Variants in LPP observed in about 807,000 individuals in gnomAD.
LPP encodes LIM domain containing preferred translocation partner in lipoma.
A neutral mutation model predicts 60.4 loss-of-function variants in LPP; 38 were observed. The ratio of observed to expected loss-of-function variants is 0.63; its 90% confidence interval spans 0.49 to 0.83. LPP has a LOEUF of 0.83. LPP is among the 40% of genes least tolerant of loss of function. The pLI is 0.00. For synonymous variants in LPP, 328 were observed against 290.8 expected (o/e 1.13, Z -1.30); for missense variants, 902 against 783.6 (o/e 1.15, Z -1.80).
At chr3:188,274,791 A>G (rs1051348908) in intron 2 of LPP, among the ~76,000 whole-genome samples, 4 of 152,212 alleles carry the variant, frequency 2.6e-5, no homozygotes, top group Non-Finnish European at 5.9e-5. Context: ...GATAGACCTT[A>G]TGGTTAGAGT....
At position 188,406,097 on chromosome 3, in the gene LPP, T is replaced by C. The variant is rs1783427023; in HGVS notation, c.-9-15T>C. ...TTCATGCTTCCATAAAAACAGTGTT[T>C]CTTTTTCATTGCAGATTCCAACAAT... On this transcript the variant is annotated splice_polypyrimidine_tract_variant and intron_variant, in intron 3 of 11. Transcript: ENST00000617246. 4 of 1,601,870 alleles carry C rather than the reference T, an allele frequency of 2.5e-6. No homozygotes were observed. In the South Asian group the frequency reaches 4.5e-5, roughly 18 times the overall value.
At chr3:188,655,312 A>G (rs1238452264) in intron 7 of LPP, among the ~76,000 whole-genome samples, 1 of 152,190 alleles carries the variant, frequency 6.6e-6, no homozygotes, top group African/African-American at 2.4e-5. Flanking sequence ...AAAGTGCCAG[A>G]GTTTGATCAG....
At chr3:188,768,146 G>A (rs1336529128) in intron 9 of LPP, among the ~76,000 whole-genome samples, 4 of 152,050 alleles carry the variant, frequency 2.6e-5, no homozygotes, top group African/African-American at 7.2e-5. Context: ...GAATAAACTC[G>A]TAAAGACAGA....
At chr3:188,291,760 T>A (rs1317156832) in intron 2 of LPP, among the ~76,000 whole-genome samples, 4 of 152,000 alleles carry the variant, frequency 2.6e-5, no homozygotes, top group African/African-American at 9.7e-5. Context: ...CTTTATGACA[T>A]CTCTATGATG....
chr3:188,668,372 G>T (rs190379790), intron 7 of LPP, among the ~76,000 whole-genome samples: 6 of 152,118 alleles, frequency 3.9e-5, no homozygotes, highest in African/African-American at 1.4e-4. Context: ...AGTGGGTGTT[G>T]GGAGGTGTTT....
chr3:188,449,801 C>CTAG (rs1553901763), intron 4 of LPP, among the ~76,000 whole-genome samples: 110 of 151,672 alleles, frequency 7.3e-4, no homozygotes, highest in African/African-American at 2.6e-3. Context: ...ATTTATATTG[C>CTAG]TATTATTATT....
intron 9 of LPP, among the ~76,000 whole-genome samples, chr3:188,850,945 G>A (rs1425831631): frequency 1.3e-5 from 2 of 152,220 alleles, no homozygotes; most frequent in East Asian, 3.8e-4. Context: ...GAAAGGCAAT[G>A]TTTTCAGTGC....
chr3:188,375,801 G>T (rs892979411), intron 3 of LPP, among the ~76,000 whole-genome samples: 1 of 151,994 alleles, frequency 6.6e-6, no homozygotes, highest in East Asian at 1.9e-4. Context: ...TGATGTTAGG[G>T]TGTCAATTTT....
At chr3:188,466,489 C>T (rs764646148) in intron 4 of LPP, among the ~76,000 whole-genome samples, 2 of 151,926 alleles carry the variant, frequency 1.3e-5, no homozygotes, top group Non-Finnish European at 2.9e-5. Context: ...CTTGTATCTT[C>T]TTTATAATAT....
intron 7 of LPP, among the ~76,000 whole-genome samples, chr3:188,636,202 C>A (rs577708354): frequency 2.2e-4 from 34 of 152,298 alleles, no homozygotes; most frequent in African/African-American, 7.9e-4. Context: ...GGTGCGCGCA[C>A]CGTGTGCGAG....
At chr3:188,872,232 A>G (rs1768295580) in intron 10 of LPP, among the ~76,000 whole-genome samples, 1 of 152,152 alleles carries the variant, frequency 6.6e-6, no homozygotes, top group Admixed American at 6.5e-5. Context: ...ACCTCAGACT[A>G]TTTTTCTAGG....
chr3:188,404,968 C>A (rs1403944545), intron 3 of LPP, among the ~76,000 whole-genome samples: 1 of 152,144 alleles, frequency 6.6e-6, no homozygotes, highest in African/African-American at 2.4e-5. Flanking sequence ...ACAGAGGAGA[C>A]ATTTCCTCTC....
intron 5 of LPP, among the ~76,000 whole-genome samples, chr3:188,490,751 A>ATTT (rs58700818): frequency 0.043 from 3,926 of 91,468 alleles, 44 homozygotes; most frequent in Middle Eastern, 0.064. Flanking sequence ...TGGCACTGGA[A>ATTT]TTTTTTTTTT....
At chr3:188,817,516 C>G (rs1350687763) in intron 9 of LPP, among the ~76,000 whole-genome samples, 1 of 152,152 alleles carries the variant, frequency 6.6e-6, no homozygotes, top group African/African-American at 2.4e-5. Flanking sequence ...GCAGCTGTTT[C>G]AATTCGTATG....
At chr3:188,210,110 A>T (rs532039009) in intron 1 of LPP, among the ~76,000 whole-genome samples, 22 of 152,288 alleles carry the variant, frequency 1.4e-4, no homozygotes, top group Non-Finnish European at 2.9e-4. Flanking sequence ...AAATACAAAT[A>T]AAAAAACCAA....
chr3:188,722,104 T>C (rs1560114720), intron 8 of LPP, among the ~76,000 whole-genome samples: 1 of 152,184 alleles, frequency 6.6e-6, no homozygotes, highest in Non-Finnish European at 1.5e-5. Context: ...CACTTTATGC[T>C]CTGCTTGTTA....
intron 6 of LPP, among the ~76,000 whole-genome samples, chr3:188,548,713 C>G (rs370305190): frequency 6.6e-6 from 1 of 152,184 alleles, no homozygotes. Context: ...AACTGTGCCT[C>G]TTCCAGAAGA....
rs144146595 is a variant in LPP, at chr3:188,213,550, T to C, written c.-189-11855T>C. Among the ~76,000 whole-genome samples, 483 of 152,306 alleles carry C rather than the reference T, an allele frequency of 3.2e-3. 4 individuals are homozygous for C. Among genetic ancestry groups the C allele is most frequent in the African/African-American group, 0.011 (465 of 41,572 alleles). On this transcript the variant is annotated intron_variant, in intron 1 of 11. Coordinates refer to ENST00000617246, the MANE Select transcript of LPP (RefSeq NM_001375462.1). ...ACTTACTAATCTAGTTGGTGGGAAATTGAGGACTAGAACCTACTTCTAGTT... is the reference window on the plus strand; with the variant it reads ...ACTTACTAATCTAGTTGGTGGGAAACTGAGGACTAGAACCTACTTCTAGTT...
chr3:188,426,051 C>A (rs541116281), intron 4 of LPP, among the ~76,000 whole-genome samples: 1 of 151,866 alleles, frequency 6.6e-6, no homozygotes, highest in Admixed American at 6.5e-5. Flanking sequence ...GTTAGGGTGT[C>A]GATTTGAGAT....
Sources: gnomAD v4.1 joint callset for allele counts (sites outside exome capture counted in the v4.1 genomes callset) on GRCh38, gnomAD v4.1.1 for gene constraint, MANE v1.5 for transcripts, NCBI Gene and HGNC (gene_info 2026-07-23, HGNC 2026-07-21) for gene names.